MCM6: variants seen among roughly 807,000 people sequenced by gnomAD.
MCM6 encodes minichromosome maintenance complex component 6, also known as DNA replication licensing factor MCM6.
Under a neutral mutation model 94.3 loss-of-function variants are expected in MCM6, and 46 were observed. That is an observed-to-expected ratio of 0.49 (90% CI 0.39 to 0.62). The LOEUF is 0.62. Among genes scored for constraint, MCM6 ranks in the 20% least tolerant of loss-of-function variants. The pLI is 0.00. For synonymous variants in MCM6, 335 were observed against 351.9 expected (o/e 0.95, Z 0.54); for missense variants, 865 against 1,017.9 (o/e 0.85, Z 2.04).
Position 135,862,594 on chromosome 2 carries a change from G to A in MCM6, c.1220+13C>T, listed in dbSNP as rs1301317928. The A allele has an allele frequency of 6.2e-7, 1 of 1,613,942 alleles. No individual in the cohort carries two copies. Among genetic ancestry groups the A allele is most frequent in the Non-Finnish European group, 8.5e-7 (1 of 1,180,000 alleles). On this transcript the variant is annotated intron_variant, in intron 8 of 16. Coordinates refer to ENST00000264156, the MANE Select transcript of MCM6 (RefSeq NM_005915.6). ...CACTTTTTCCTGCAACACTGTATCAGGCAAACGCTTACTTGAGAAATTGGC... is the reference window on the plus strand; with the variant it reads ...CACTTTTTCCTGCAACACTGTATCAAGCAAACGCTTACTTGAGAAATTGGC...
chr2:135,847,855 C>T (rs1470497888), intron 14 of MCM6, among the ~76,000 whole-genome samples, 198 bp downstream of exon 14: 1 of 152,194 alleles, frequency 6.6e-6, no homozygotes, highest in South Asian at 2.1e-4. Flanking sequence ...AGCCACCGTG[C>T]CCAGCCAAGT....
rs55711144 is a variant in MCM6, at chr2:135,863,723, T to TAACAAAACAAAACAAAACAA, written c.1079-995_1079-976dup. On this transcript the variant is annotated intron_variant, in intron 7 of 16. Coordinates refer to ENST00000264156, the MANE Select transcript of MCM6 (RefSeq NM_005915.6). ...TCCAGCCTGGGCAAGAGTAAGACCC[T>TAACAAAACAAAACAAAACAA]AACAAAACAAAACAAAACAAAACAA... 9.1e-3 allele frequency among the ~76,000 whole-genome samples: 1,335 copies of TAACAAAACAAAACAAAACAA among 147,148 alleles called. 20 individuals are homozygous for TAACAAAACAAAACAAAACAA. The highest frequency in any genetic ancestry group is 0.066 in the Middle Eastern group (19 of 290).
At chr2:135,863,404 C>T (rs1331594523) in intron 7 of MCM6, among the ~76,000 whole-genome samples, 1 of 152,176 alleles carries the variant, frequency 6.6e-6, no homozygotes, top group African/African-American at 2.4e-5. Context: ...TTACACAAGG[C>T]ATTCCTTAAA....
chr2:135,866,836 C>G, intron 4 of MCM6, 108 bp from the exon 5 acceptor site: 1 of 903,098 alleles, frequency 1.1e-6, no homozygotes. Context: ...ACTATCTGAC[C>G]CATTAGCAGA....
intron 12 of MCM6, 134 bp downstream of exon 12, chr2:135,852,653 A>G (rs577557080): frequency 8.3e-6 from 2 of 241,606 alleles, no homozygotes; most frequent in Non-Finnish European, 1.3e-5. Context: ...GCTGTTCCAG[A>G]AAAAAAAAAA....
At chr2:135,874,399 T>A (rs1214244226) in intron 1 of MCM6, among the ~76,000 whole-genome samples, 1 of 152,230 alleles carries the variant, frequency 6.6e-6, no homozygotes. Flanking sequence ...AGTTTTTAGC[T>A]GGGCTTTGAA....
rs558483371 is a variant in MCM6 at position 135,844,697 on chromosome 2, A to T, written c.2210-13T>A. 1 of 1,529,660 alleles carries T rather than the reference A, an allele frequency of 6.5e-7. No homozygotes were observed. Among genetic ancestry groups the T allele is most frequent in the African/African-American group, 1.4e-5 (1 of 71,214 alleles). The allele number at this position is 1,529,660 out of a possible 1,614,324, so 94.8% of individuals were successfully genotyped here. On this transcript the variant is annotated splice_polypyrimidine_tract_variant and intron_variant, in intron 15 of 16. Transcript: ENST00000264156. The stretch of plus-strand genomic sequence containing the variant: ...GACTCGTCCTCTTCTGCAACAAAAA[A>T]ACACATTCAAATTATCCTAGCAACT...
chr2:135,866,218 T>C lies in MCM6; in HGVS notation c.841A>G (p.Ile281Val). Residue 281 changes from isoleucine (I) to valine (V), a missense_variant, in exon 6 of 17, where the codon ATT (isoleucine) becomes GTT (valine). By Grantham distance (29) the Ile-to-Val change is conservative. Coordinates refer to ENST00000264156, the MANE Select transcript of MCM6 (RefSeq NM_005915.6). ...SGVDGYETEGIRGLRALGVRD... is the reference protein window; with the variant it reads ...SGVDGYETEGVRGLRALGVRD... ...ACACCAAGGGCCCGGAGTCCTCGAATGCCTTCTGTCTCATATCCATCAACA... is the reference window on the plus strand; with the variant it reads ...ACACCAAGGGCCCGGAGTCCTCGAACGCCTTCTGTCTCATATCCATCAACA... The C allele has an allele frequency of 6.2e-7, 1 of 1,614,180 alleles. No individual in the cohort carries two copies. The highest frequency in any genetic ancestry group is 8.5e-7 in the Non-Finnish European group (1 of 1,180,002).
chr2:135,845,929 A>G (rs1679662376), intron 15 of MCM6, among the ~76,000 whole-genome samples: 1 of 152,238 alleles, frequency 6.6e-6, no homozygotes, highest in Non-Finnish European at 1.5e-5. Flanking sequence ...GGGAATAGTA[A>G]TTTTGCATTT....
In MCM6 at chr2:135,876,415, T is replaced by A. The variant is rs752476775; in HGVS notation, c.-50A>T. The A allele has an allele frequency of 2.7e-5, 41 of 1,500,860 alleles. No individual in the cohort carries two copies. Among genetic ancestry groups the A allele is most frequent in the Non-Finnish European group, 3.3e-5 (37 of 1,116,112 alleles). 93.0% of individuals were successfully genotyped at this position (1,500,860 alleles called of 1,614,324 possible). On this transcript the variant is annotated 5_prime_UTR_variant, in exon 1 of 17. Coordinates refer to ENST00000264156, the MANE Select transcript of MCM6 (RefSeq NM_005915.6). ...CTGCGCCACGCTCGACCGCCACAAG[T>A]CGCTTTTTTCCAGACGCTGCAGCTT...
At chr2:135,849,860 G>GT (rs1679741728) in intron 13 of MCM6, among the ~76,000 whole-genome samples, 2 of 152,028 alleles carry the variant, frequency 1.3e-5, no homozygotes, top group Non-Finnish European at 2.9e-5. Context: ...CCTAACAAAA[G>GT]TTTTTTTAAT....
intron 11 of MCM6, 25 bp from the exon 12 acceptor site, chr2:135,852,940 T>C (rs756029218): frequency 6.4e-6 from 10 of 1,573,702 alleles, no homozygotes; most frequent in Non-Finnish European, 7.7e-6. Context: ...AAAAATCACT[T>C]TGATAGTCAC....
rs755487780 is a variant in MCM6 at position 135,840,602 on chromosome 2, C to A, written c.*233G>T. The A allele has an allele frequency of 1.0e-5, 5 of 482,112 alleles. No homozygotes were observed. Among genetic ancestry groups the A allele is most frequent in the Admixed American group, 3.5e-5 (1 of 28,338 alleles). 29.9% of individuals were successfully genotyped at this position (482,112 alleles called of 1,614,324 possible). A position where few individuals can be genotyped will look rare whatever the true frequency, so the allele number is the denominator to read the frequency against. ...TATAGAGACTACACATTATTTGGTT[C>A]CAACTTCACTGGGACAGGAAACACA... On this transcript the variant is annotated 3_prime_UTR_variant, in exon 17 of 17. Transcript: ENST00000264156.
chr2:135,843,811 TAC>T (rs2105570985), intron 16 of MCM6, among the ~76,000 whole-genome samples: 1 of 150,276 alleles, frequency 6.7e-6, no homozygotes, highest in South Asian at 2.1e-4. Flanking sequence ...CCCAGGAGGA[TAC>T]AGTGACTCAG....
intron 5 of MCM6, 22 bp from the exon 6 acceptor site, chr2:135,866,299 T>C: frequency 1.2e-6 from 2 of 1,612,554 alleles, no homozygotes; most frequent in Non-Finnish European, 1.7e-6. Flanking sequence ...TGATAGGTTG[T>C]TTCACAACTT....
chr2:135,856,902 A>G lies in MCM6; in HGVS notation c.1471-19T>C. On this transcript the variant is annotated intron_variant, in intron 10 of 16. Transcript: ENST00000264156. ...GAGTAGCCTGACCACAAAAGAAAGA[A>G]TCTTAACAGATTTAAATAGACATCA... The G allele has an allele frequency of 6.2e-7, 1 of 1,601,408 alleles. No homozygotes were observed. The highest frequency in any genetic ancestry group is 8.5e-7 in the Non-Finnish European group (1 of 1,175,208).
intron 4 of MCM6, among the ~76,000 whole-genome samples, chr2:135,867,353 C>G (rs1680110145): frequency 6.6e-6 from 1 of 151,886 alleles, no homozygotes. Context: ...CAAGAGTGTC[C>G]TTTATACAGT....
At chr2:135,865,696 G>C (rs1419321925) in intron 6 of MCM6, among the ~76,000 whole-genome samples, 1 of 152,106 alleles carries the variant, frequency 6.6e-6, no homozygotes, top group Non-Finnish European at 1.5e-5. Flanking sequence ...AAAGCATTGA[G>C]CTTTTATGTA....
intron 7 of MCM6, among the ~76,000 whole-genome samples, chr2:135,864,146 T>C (rs1208875658): frequency 6.6e-6 from 1 of 151,972 alleles, no homozygotes; most frequent in African/African-American, 2.4e-5. Context: ...AAAAAAAGGT[T>C]GAGTTCTTAC....
Sources: gnomAD v4.1 joint callset for allele counts (sites outside exome capture counted in the v4.1 genomes callset) on GRCh38, gnomAD v4.1.1 for gene constraint, MANE v1.5 for transcripts, NCBI Gene and HGNC (gene_info 2026-07-23, HGNC 2026-07-21) for gene names.